The following RGS6 variants were observed in gnomAD, a reference collection of about 807,000 sequenced individuals.
The protein encoded by RGS6 is regulator of G protein signaling 6.
In RGS6, 30 loss-of-function variants were observed where a neutral mutation model predicts 78.5. The observed-to-expected ratio is 0.38, with a 90% CI of 0.29 to 0.52. The LOEUF (loss-of-function observed/expected upper bound fraction) is 0.52. RGS6 is among the 20% of genes least tolerant of loss of function. The probability of loss-of-function intolerance (pLI) is 0.85; values close to 1 mark genes in which losing one functional copy is unlikely to be tolerated. For missense variants in RGS6, 495 were observed against 609.7 expected (o/e 0.81, Z 1.98); for synonymous variants, 206 against 206.0 (o/e 1.00, Z 0.00).
At chr14:72,553,817 C>T (rs1599085780) in intron 17 of RGS6, among the ~76,000 whole-genome samples, 2 of 152,300 alleles carry the variant, frequency 1.3e-5, no homozygotes, top group East Asian at 3.9e-4. Flanking sequence ...TGGGCCAAAT[C>T]CTGCAGGAAA....
chr14:72,015,280 GAACTAGTGGAGTGAATT>G (rs1285109767), intron 2 of RGS6, among the ~76,000 whole-genome samples: 4 of 152,168 alleles, frequency 2.6e-5, no homozygotes, highest in Admixed American at 2.0e-4. Context: ...GCTCTTGAGG[GAACTAGTGGAGTGAATT>G]AACTCATTAC....
chr14:71,923,977 A>C, the RGS6 span, among the ~76,000 whole-genome samples: 604 of 152,318 alleles, frequency 4.0e-3, 2 homozygotes, highest in Non-Finnish European at 6.8e-3. Flanking sequence ...ATACAAGGTA[A>C]TCTGCCGAGG....
intron 2 of RGS6, among the ~76,000 whole-genome samples, chr14:72,239,921 C>T (rs185700845): frequency 4.6e-5 from 7 of 152,256 alleles, no homozygotes; most frequent in East Asian, 1.9e-4. Context: ...ATATAAACAC[C>T]ATTTGGGATC....
chr14:72,454,385 T>C, intron 3 of RGS6, 143 bp from the exon 4 acceptor site: 2 of 782,694 alleles, frequency 2.6e-6, no homozygotes, highest in East Asian at 2.5e-5. Flanking sequence ...AAAGGGTTGG[T>C]TAGGACAAAA....
intron 2 of RGS6, among the ~76,000 whole-genome samples, chr14:72,227,726 A>G (rs2048457479): frequency 6.6e-6 from 1 of 152,226 alleles, no homozygotes; most frequent in Non-Finnish European, 1.5e-5. Flanking sequence ...AGTATATGAG[A>G]TAAAGAATAT....
Position 72,398,775 on chromosome 14 carries a change from A to G in RGS6, c.184+46581A>G, listed in dbSNP as rs541718020. Reference sequence around the variant, plus strand: ...TGTTTTTGTTCTTGTTGGTTTCAAAAAACATCTTTATTTCTCCCTTCATTT... The same window carrying G: ...TGTTTTTGTTCTTGTTGGTTTCAAAGAACATCTTTATTTCTCCCTTCATTT... On this transcript the variant is annotated intron_variant, in intron 3 of 17. Coordinates refer to ENST00000553525, the MANE Select transcript of RGS6 (RefSeq NM_001204424.2). Among the ~76,000 whole-genome samples, 25 of 152,164 alleles carry G rather than the reference A, an allele frequency of 1.6e-4. No homozygotes were observed. The East Asian group carries it at 3.3e-3, about 20-fold the overall frequency.
Position 72,204,927 on chromosome 14 carries a change from A to C in RGS6, c.85-147168A>C, listed in dbSNP as rs142145256. On this transcript the variant is annotated intron_variant, in intron 2 of 17. Coordinates refer to ENST00000553525, the MANE Select transcript of RGS6 (RefSeq NM_001204424.2). ...ATATAAGATTAAATAGATGGCCCCA[A>C]GCCATGATGTTTGGCCACCATGGAC... Among the ~76,000 whole-genome samples the C allele has an allele frequency of 3.3e-3, 504 of 152,326 alleles. 3 individuals carry two copies. Among genetic ancestry groups the C allele is most frequent in the African/African-American group, 0.011 (477 of 41,568 alleles).
intron 2 of RGS6, among the ~76,000 whole-genome samples, chr14:72,050,921 G>A (rs576917575): frequency 1.3e-5 from 2 of 151,946 alleles, no homozygotes; most frequent in Admixed American, 6.5e-5. Context: ...ACTGAGGGGC[G>A]ACTGGATTGT....
At chr14:72,067,212 C>T (rs2094194850) in intron 2 of RGS6, among the ~76,000 whole-genome samples, 1 of 152,072 alleles carries the variant, frequency 6.6e-6, no homozygotes, top group African/African-American at 2.4e-5. Context: ...AACACAGGAA[C>T]AGAAAACCAA....
chr14:72,454,560 C>G lies in RGS6; in HGVS notation c.217C>G (p.Leu73Val). 6.2e-7 allele frequency: 1 copy of G among 1,614,032 alleles called. No homozygotes were observed. Among genetic ancestry groups the G allele is most frequent in the Non-Finnish European group, 8.5e-7 (1 of 1,179,990 alleles). The change falls in exon 4 of 18, where the codon CTT becomes GTT. Residue 73 changes from leucine (L) to valine (V), a missense_variant. Transcript: ENST00000553525. ...TDIVQWLMKN[L>V]SIEDPVEAIH... ...CATTGTGCAGTGGCTTATGAAGAAC[C>G]TTTCCATTGAGGACCCAGGTACTTG... is the stretch of plus-strand genomic sequence containing the variant.
chr14:72,119,149 G>T (rs902320314), intron 2 of RGS6, among the ~76,000 whole-genome samples: 2 of 152,124 alleles, frequency 1.3e-5, no homozygotes, highest in Non-Finnish European at 2.9e-5. Context: ...AATTCAGTTT[G>T]CCTAAATAGA....
At chr14:72,492,060 C>G (rs559390359) in intron 12 of RGS6, among the ~76,000 whole-genome samples, 164 of 152,300 alleles carry the variant, frequency 1.1e-3, no homozygotes, top group African/African-American at 3.7e-3. Context: ...AATGGAAGCT[C>G]TACGCACTGA....
At chr14:72,276,237 T>C (rs527872209) in intron 2 of RGS6, among the ~76,000 whole-genome samples, 19 of 152,306 alleles carry the variant, frequency 1.2e-4, no homozygotes, top group Non-Finnish European at 1.9e-4. Flanking sequence ...AACATATCTT[T>C]CCTCATCTAA....
intron 3 of RGS6, among the ~76,000 whole-genome samples, chr14:72,422,091 C>T (rs1017046774): frequency 5.3e-5 from 8 of 150,950 alleles, no homozygotes; most frequent in Non-Finnish European, 1.2e-4. Context: ...GGGGAGGTTC[C>T]CCTGCACAAG....
the RGS6 span, among the ~76,000 whole-genome samples, chr14:71,897,642 T>C: frequency 6.6e-6 from 1 of 152,084 alleles, no homozygotes; most frequent in Admixed American, 6.5e-5. Flanking sequence ...TGCCTTAGCC[T>C]CCTGAGTAGC....
chr14:72,355,118 T>C (rs1420298101), intron 3 of RGS6, among the ~76,000 whole-genome samples: 5 of 152,064 alleles, frequency 3.3e-5, no homozygotes, highest in Non-Finnish European at 7.4e-5. Context: ...CTGCTTTTCT[T>C]TGAAAAATAA....
chr14:72,447,255 G>A (rs1387509493), intron 3 of RGS6, among the ~76,000 whole-genome samples: 1 of 152,030 alleles, frequency 6.6e-6, no homozygotes, highest in Admixed American at 6.5e-5. Flanking sequence ...ATTACAGTGG[G>A]GTGAGGGCAC....
At chr14:72,492,333 C>G (rs2096589276) in intron 12 of RGS6, among the ~76,000 whole-genome samples, 1 of 152,116 alleles carries the variant, frequency 6.6e-6, no homozygotes, top group South Asian at 2.1e-4. Context: ...TGGTAACAGA[C>G]TGAGGGGAGG....
chr14:72,406,227 T>C (rs563532389), intron 3 of RGS6, among the ~76,000 whole-genome samples: 2 of 151,898 alleles, frequency 1.3e-5, no homozygotes, highest in East Asian at 3.9e-4. Flanking sequence ...CTACTAAAAA[T>C]ACAAAAATCA....
Sources: gnomAD v4.1 joint callset for allele counts (sites outside exome capture counted in the v4.1 genomes callset) on GRCh38, gnomAD v4.1.1 for gene constraint, MANE v1.5 for transcripts, NCBI Gene and HGNC (gene_info 2026-07-23, HGNC 2026-07-21) for gene names.